COL16A1: variants seen among roughly 807,000 people sequenced by gnomAD.
COL16A1 encodes collagen type XVI alpha 1 chain, also known as collagen alpha-1(XVI) chain.
COL16A1 carries 189 observed loss-of-function variants against 266.3 expected under a neutral mutation model. The observed-to-expected ratio is 0.71, with a 90% CI of 0.63 to 0.80. The LOEUF (loss-of-function observed/expected upper bound fraction) is 0.80. Ranked by LOEUF, COL16A1 falls within the 30% of genes least tolerant of loss-of-function variation. The probability of loss-of-function intolerance (pLI) is 0.00; values close to 1 mark genes in which losing one functional copy is unlikely to be tolerated. For missense variants in COL16A1, 1,928 were observed against 2,122.4 expected (o/e 0.91, Z 1.80); for synonymous variants, 740 against 782.3 (o/e 0.95, Z 0.90).
chr1:31,658,846 G>A, intron 63 of COL16A1, 68 bp downstream of exon 63: 1 of 1,525,400 alleles, frequency 6.6e-7, no homozygotes, highest in Non-Finnish European at 8.9e-7. Context: ...AGCTTCCTCT[G>A]AATGGAGCCC....
In COL16A1 at chr1:31,675,273, C is replaced by T. The variant is rs1487246027; in HGVS notation, c.2811G>A (p.Gly937=). 1.2e-6 allele frequency: 2 copies of T among 1,614,214 alleles called. No individual in the cohort carries two copies. The highest frequency in any genetic ancestry group is 1.6e-4 in the Middle Eastern group (1 of 6,062). The change falls in exon 43 of 71, where the codon GGG becomes GGA. Residue 937 remains glycine (G), a synonymous_variant. Transcript: ENST00000373672. ...CAGTACCCACCAGTTCTGCAGTGAG[C>T]CCAGGCTGTCCTGGCAAACCGTTGT... The part of the protein sequence containing the change: ...PGNNGLPGQP[G]LTAELGSLPI...
rs60096709 is a variant in COL16A1, at chr1:31,687,381, CAAAA to C, written c.1803+1082_1803+1085del. Among the ~76,000 whole-genome samples, 3 of 59,776 alleles carry C rather than the reference CAAAA, an allele frequency of 5.0e-5. No individual in the cohort carries two copies. The East Asian group carries it at 1.4e-3, about 29-fold the overall frequency. 39.2% of individuals were successfully genotyped at this position (59,776 alleles called of 152,430 possible). A position where few individuals can be genotyped will look rare whatever the true frequency, so the allele number is the denominator to read the frequency against. On this transcript the variant is annotated intron_variant, in intron 26 of 70. Coordinates refer to ENST00000373672, the MANE Select transcript of COL16A1 (RefSeq NM_001856.4). ...TGGGCAACAGAGTGAGACTCAGTCTCAAAAAAAAAAAAAAAAAAACCAACAACGC... is the reference window on the plus strand; with the variant it reads ...TGGGCAACAGAGTGAGACTCAGTCTCAAAAAAAAAAAAAAACCAACAACGC...
rs201698146 is a variant in COL16A1, at chr1:31,696,997, C to T, written c.830G>A (p.Arg277His). ...TTGAGGCTCCTCCAGGCAGAAGCAG[C>T]GGGTGTAGACCTTGCCTTCAGACTG... The part of the protein sequence containing the change: ...NPQSEGKVYT[R>H]CFCLEEPQNS... The change falls in exon 8 of 71, where the codon CGC becomes CAC. Residue 277 changes from arginine to histidine, a missense_variant. Physicochemically the swap from Arg to His is conservative, Grantham distance 29. This residue lies in a region of COL16A1 where 1,552 missense variants were observed against 1,637.2 expected (regional missense o/e 0.95). Coordinates refer to ENST00000373672, the MANE Select transcript of COL16A1 (RefSeq NM_001856.4). The T allele has an allele frequency of 2.8e-4, 457 of 1,614,124 alleles. 4 individuals are homozygous for T. The highest frequency in any genetic ancestry group is 2.3e-3 in the South Asian group (206 of 91,074).
At position 31,679,625 on chromosome 1, in the gene COL16A1, C is replaced by G. The variant is rs539871072; in HGVS notation, c.2772+7G>C. 1 of 1,614,246 alleles carries G rather than the reference C, an allele frequency of 6.2e-7. No homozygotes were observed. On this transcript the variant is annotated splice_region_variant and intron_variant, in intron 42 of 70. Transcript: ENST00000373672. ...CCCAAGCTCCTCATTCTCTTCTCCCCCTTTACCTGCAGCCCAGGTACTCCA... is the reference window on the plus strand; with the variant it reads ...CCCAAGCTCCTCATTCTCTTCTCCCGCTTTACCTGCAGCCCAGGTACTCCA...
rs561529215 is a variant in COL16A1, at chr1:31,684,140, C to G, written c.2252G>C (p.Gly751Ala). The stretch of plus-strand genomic sequence containing the variant: ...ACCAGGTCGGCCCACGCCTTCGGGG[C>G]CCTGCTCTCCTTTGGGGCCGGGCTG... The part of the protein sequence containing the change: ...PGQPGPKGEQ[G>A]PEGVGRPGKP... The change falls in exon 32 of 71, where the codon GGC becomes GCC. Residue 751 changes from glycine to alanine, a missense_variant. By Grantham distance (60) the Gly-to-Ala change is moderately conservative. Transcript: ENST00000373672. 1.3e-6 allele frequency: 2 copies of G among 1,557,338 alleles called. No individual in the cohort carries two copies. The highest frequency in any genetic ancestry group is 1.4e-5 in the African/African-American group (1 of 73,778).
chr1:31,692,756 C>G lies in COL16A1; in HGVS notation c.1113+11G>C, dbSNP rs763999689. ...ATTGGCCCTGAAGCAGGCATCACCTCCAAGTCTTACCTGAAGTGGGGCATC... is the reference window on the plus strand; with the variant it reads ...ATTGGCCCTGAAGCAGGCATCACCTGCAAGTCTTACCTGAAGTGGGGCATC... On this transcript the variant is annotated intron_variant, in intron 14 of 70. Coordinates refer to ENST00000373672, the MANE Select transcript of COL16A1 (RefSeq NM_001856.4). 18 of 1,613,680 alleles carry G rather than the reference C, an allele frequency of 1.1e-5. No individual in the cohort carries two copies. The Admixed American group carries it at 2.8e-4, about 25-fold the overall frequency.
At position 31,684,347 on chromosome 1, in the gene COL16A1, A is replaced by G. The variant is rs1256584571; in HGVS notation, c.2161-116T>C. The G allele has an allele frequency of 6.9e-6, 10 of 1,446,972 alleles. No individual in the cohort carries two copies. In the South Asian group the frequency reaches 1.2e-4, roughly 17 times the overall value. The allele number at this position is 1,446,972 out of a possible 1,614,324, so 89.6% of individuals were successfully genotyped here. On this transcript the variant is annotated intron_variant, in intron 31 of 70. Coordinates refer to ENST00000373672, the MANE Select transcript of COL16A1 (RefSeq NM_001856.4). ...TGAATGCTCCCACGTCAGCCTGGGAAATCAAAACAGGCCCCTGACACTCCT... is the reference window on the plus strand; with the variant it reads ...TGAATGCTCCCACGTCAGCCTGGGAGATCAAAACAGGCCCCTGACACTCCT...
At chr1:31,669,445 C>T (rs538363510) in intron 49 of COL16A1, among the ~76,000 whole-genome samples, 2 of 152,184 alleles carry the variant, frequency 1.3e-5, no homozygotes, top group South Asian at 4.1e-4. Flanking sequence ...AGAGCTACAG[C>T]CCCCACCCCT....
Position 31,684,516 on chromosome 1 carries a change from G to A in COL16A1, c.2160+7C>T. 1 of 1,610,648 alleles carries A rather than the reference G, an allele frequency of 6.2e-7. No homozygotes were observed. The highest frequency in any genetic ancestry group is 8.5e-7 in the Non-Finnish European group (1 of 1,178,432). The stretch of plus-strand genomic sequence containing the variant: ...CTCCCCGACCCCAACCACCCCGCCT[G>A]ACTAACCTTTTCTCCTTTTGGCCCC... On this transcript the variant is annotated splice_region_variant and intron_variant, in intron 31 of 70. Coordinates refer to ENST00000373672, the MANE Select transcript of COL16A1 (RefSeq NM_001856.4).
intron 63 of COL16A1, 52 bp downstream of exon 63, chr1:31,658,862 C>T: frequency 3.9e-6 from 6 of 1,542,460 alleles, no homozygotes; most frequent in African/African-American, 2.7e-5. Flanking sequence ...AGCCCACAGT[C>T]AAGCAGGGCA....
intron 2 of COL16A1, among the ~76,000 whole-genome samples, chr1:31,701,030 C>T (rs2148837330): frequency 6.6e-6 from 1 of 152,326 alleles, no homozygotes; most frequent in Middle Eastern, 3.4e-3. Flanking sequence ...AAGGCCTTCT[C>T]ATCAATGCAG....
rs780222672 is a variant in COL16A1 at position 31,685,603 on chromosome 1, C to A, written c.2016+36G>T. 1 of 1,603,532 alleles carries A rather than the reference C, an allele frequency of 6.2e-7. No homozygotes were observed. The highest frequency in any genetic ancestry group is 1.7e-5 in the Admixed American group (1 of 59,550). On this transcript the variant is annotated intron_variant, in intron 29 of 70. Transcript: ENST00000373672. This position sits in a 1 kb window ranked among gnomAD's most constrained non-coding sequence, Gnocchi z 4.0. ...CCCTCTCCTTAGCCCCGCCTGCATC[C>A]CCCGTCCAGAGGCCCCTGCCTATAT...
chr1:31,662,809 T>A (rs1641812349), intron 56 of COL16A1, 151 bp from the exon 57 acceptor site: 1 of 725,632 alleles, frequency 1.4e-6, no homozygotes, highest in Non-Finnish European at 2.2e-6. Context: ...CCTGTCTAAC[T>A]GCATATGTGC....
chr1:31,672,658 C>G (rs1199620759), intron 45 of COL16A1, 21 bp from the exon 46 acceptor site: 2 of 1,605,474 alleles, frequency 1.2e-6, no homozygotes, highest in South Asian at 2.2e-5. Flanking sequence ...CAATGAGAGG[C>G]ACATTGTCTG....
rs374093073 is a variant in COL16A1 at position 31,670,565 on chromosome 1, G to A, written c.3195+37C>T. The A allele has an allele frequency of 9.6e-6, 13 of 1,358,082 alleles. No homozygotes were observed. Among genetic ancestry groups the A allele is most frequent in the South Asian group, 5.8e-5 (3 of 51,860 alleles). 84.1% of individuals were successfully genotyped at this position (1,358,082 alleles called of 1,614,324 possible). A position where few individuals can be genotyped will look rare whatever the true frequency, so the allele number is the denominator to read the frequency against. The stretch of plus-strand genomic sequence containing the variant: ...CAAAAGCCACAGAGACCTGGCTGAC[G>A]GGGGGGAGGGGAGGTCGAGCAGCGC... On this transcript the variant is annotated intron_variant, in intron 49 of 70. Coordinates refer to ENST00000373672, the MANE Select transcript of COL16A1 (RefSeq NM_001856.4). The surrounding 1 kb of genome is among the most constrained non-coding windows in gnomAD (Gnocchi z 4.5).
rs79130578 is a variant in COL16A1, at chr1:31,662,681, C to T, written c.3556-23G>A. On this transcript the variant is annotated intron_variant, in intron 56 of 70. Transcript: ENST00000373672. ...GCCCTGGAAACCAGCGCCGCCCCCC[C>T]CCCCCGCCCCACAATAAAGTCAGCA... 21 of 1,172,540 alleles carry T rather than the reference C, an allele frequency of 1.8e-5. 1 individual carries two copies. The highest frequency in any genetic ancestry group is 4.8e-6 in the Non-Finnish European group (4 of 833,396). The allele number at this position is 1,172,540 out of a possible 1,614,324, so 72.6% of individuals were successfully genotyped here. A position where few individuals can be genotyped will look rare whatever the true frequency, so the allele number is the denominator to read the frequency against.
Position 31,688,393 on chromosome 1 carries a change from C to A in COL16A1, c.1803+74G>T. The A allele has an allele frequency of 2.0e-6, 3 of 1,530,454 alleles. No homozygotes were observed. Among genetic ancestry groups the A allele is most frequent in the Non-Finnish European group, 2.7e-6 (3 of 1,104,420 alleles). 94.8% of individuals were successfully genotyped at this position (1,530,454 alleles called of 1,614,324 possible). ...TCTCTTGTTTATATTACCCTTATTC[C>A]CCGCCCGCACCACTCCTCCCCTGCC... On this transcript the variant is annotated intron_variant, in intron 26 of 70. Coordinates refer to ENST00000373672, the MANE Select transcript of COL16A1 (RefSeq NM_001856.4). This position sits in a 1 kb window ranked among gnomAD's most constrained non-coding sequence, Gnocchi z 4.9.
In COL16A1 at chr1:31,683,218, G is replaced by A; in HGVS notation, c.2445C>T (p.Gly815=). Residue 815 remains glycine (G), a synonymous_variant, in exon 36 of 71, where the codon GGC becomes GGT. Coordinates refer to ENST00000373672, the MANE Select transcript of COL16A1 (RefSeq NM_001856.4). The part of the protein sequence containing the change: ...QGLPGPRGPP[G]PTGEKGAQGS... ...CCTGGGCACCCTTCTCTCCAGTGGG[G>A]CCAGGTGGTCCCCGAGGTCCCGGAA... 6.2e-7 allele frequency: 1 copy of A among 1,614,070 alleles called. No homozygotes were observed. Among genetic ancestry groups the A allele is most frequent in the Non-Finnish European group, 8.5e-7 (1 of 1,180,002 alleles).
intron 60 of COL16A1, 92 bp from the exon 61 acceptor site, chr1:31,661,211 G>A: frequency 6.7e-7 from 1 of 1,502,062 alleles, no homozygotes; most frequent in Non-Finnish European, 9.0e-7. Flanking sequence ...CCTGCCACCT[G>A]CCCCAGCTTT....
Sources: allele counts gnomAD v4.1 joint callset (sites outside exome capture counted in the v4.1 genomes callset), GRCh38; gene constraint gnomAD v4.1.1; regional missense constraint gnomAD v4.1.1; non-coding constraint Gnocchi (gnomAD v3.1); transcripts MANE v1.5; gene names NCBI Gene and HGNC (gene_info 2026-07-23, HGNC 2026-07-21).